PIGN: variants seen among roughly 807,000 people sequenced by gnomAD.
PIGN encodes the protein phosphatidylinositol glycan anchor biosynthesis class N.
In PIGN, 117 loss-of-function variants were observed where a neutral mutation model predicts 125.4. That is an observed-to-expected ratio of 0.93 (90% CI 0.80 to 1.09). The LOEUF (loss-of-function observed/expected upper bound fraction) is 1.09, where lower values mean the gene tolerates loss of function less well. PIGN is among the 50% of genes least tolerant of loss of function. The pLI is 0.00. For missense variants in PIGN, 1,075 were observed against 1,094.9 expected (o/e 0.98, Z 0.26); for synonymous variants, 392 against 377.8 (o/e 1.04, Z -0.44).
intron 30 of PIGN, among the ~76,000 whole-genome samples, chr18:62,060,814 T>A (rs1162934265): frequency 6.6e-6 from 1 of 152,228 alleles, no homozygotes; most frequent in Non-Finnish European, 1.5e-5. Flanking sequence ...TTTATAGTTA[T>A]GAAAATTACC....
At chr18:62,054,663 T>C (rs1410508563) in intron 30 of PIGN, among the ~76,000 whole-genome samples, 2 of 151,886 alleles carry the variant, frequency 1.3e-5, no homozygotes, top group African/African-American at 4.8e-5. Flanking sequence ...AGCTAATTTT[T>C]GTATTTTCTG....
intron 30 of PIGN, among the ~76,000 whole-genome samples, chr18:62,058,507 C>T (rs2031895807): frequency 6.6e-6 from 1 of 152,190 alleles, no homozygotes; most frequent in Admixed American, 6.5e-5. Flanking sequence ...CCTTGCACTG[C>T]TCATGAGACT....
At chr18:62,031,302 T>G (rs570586497) in intron 23 of PIGN, among the ~76,000 whole-genome samples, 3 of 152,344 alleles carry the variant, frequency 2.0e-5, no homozygotes, top group African/African-American at 4.8e-5. Context: ...TGTGAGCTCT[T>G]TCCTTTATAA....
At chr18:62,186,604 C>T (rs964667298) in intron 1 of PIGN, among the ~76,000 whole-genome samples, 1 of 152,200 alleles carries the variant, frequency 6.6e-6, no homozygotes, top group East Asian at 1.9e-4. Flanking sequence ...ACCTCCGGGG[C>T]TGAGAAGTCG....
chr18:62,183,509 T>C (rs1224302597), intron 1 of PIGN, among the ~76,000 whole-genome samples: 1 of 152,204 alleles, frequency 6.6e-6, no homozygotes, highest in Non-Finnish European at 1.5e-5. Context: ...CACTCTCTCC[T>C]AACATTCCAT....
At chr18:62,092,147 G>A (rs2033991053) in intron 23 of PIGN, among the ~76,000 whole-genome samples, 1 of 152,006 alleles carries the variant, frequency 6.6e-6, no homozygotes, top group African/African-American at 2.4e-5. Context: ...AAGGCCCAGG[G>A]ATATGAACAG....
At chr18:62,031,841 T>C (rs1235323391) in intron 23 of PIGN, among the ~76,000 whole-genome samples, 3 of 152,182 alleles carry the variant, frequency 2.0e-5, no homozygotes, top group African/African-American at 4.8e-5. Context: ...GTGGCTGCCA[T>C]AGCAAATTAT....
chr18:62,171,145 T>C (rs1409679717), intron 1 of PIGN, among the ~76,000 whole-genome samples: 2 of 152,206 alleles, frequency 1.3e-5, no homozygotes, highest in Non-Finnish European at 2.9e-5. Context: ...TAACTCTCCA[T>C]TTATTTAGGT....
At chr18:62,085,926 AC>A (rs2033676514) in intron 25 of PIGN, among the ~76,000 whole-genome samples, 1 of 152,192 alleles carries the variant, frequency 6.6e-6, no homozygotes, top group Non-Finnish European at 1.5e-5. Flanking sequence ...TACCATAGAC[AC>A]CCACAGAAAT....
At chr18:62,059,947 C>T (rs1483906305) in intron 30 of PIGN, among the ~76,000 whole-genome samples, 1 of 152,130 alleles carries the variant, frequency 6.6e-6, no homozygotes, top group Admixed American at 6.5e-5. Flanking sequence ...GATGTCTAAA[C>T]AAAAACGGTT....
At chr18:62,101,890 T>C (rs1222360726) in intron 21 of PIGN, among the ~76,000 whole-genome samples, 6 of 152,190 alleles carry the variant, frequency 3.9e-5, no homozygotes. Flanking sequence ...TCACATGATA[T>C]GATCTCTGTC....
chr18:62,040,814 T>C (rs1251000237), downstream of PIGN, among the ~76,000 whole-genome samples: 5 of 152,234 alleles, frequency 3.3e-5, no homozygotes, highest in Admixed American at 3.3e-4. Flanking sequence ...TTTATGTCTG[T>C]AAGATTGACA....
intron 23 of PIGN, among the ~76,000 whole-genome samples, chr18:62,026,618 A>G (rs76573613): frequency 0.017 from 2,517 of 152,336 alleles, 32 homozygotes; most frequent in Middle Eastern, 0.095. Flanking sequence ...TAACAATTTT[A>G]TAAAGTTTGA....
chr18:62,028,095 T>A (rs565355035), intron 23 of PIGN, among the ~76,000 whole-genome samples: 1 of 152,298 alleles, frequency 6.6e-6, no homozygotes, highest in South Asian at 2.1e-4. Flanking sequence ...ATACATGGAA[T>A]ACCCTGCCGA....
chr18:62,179,052 T>C (rs1168672101), intron 1 of PIGN, among the ~76,000 whole-genome samples: 3 of 152,200 alleles, frequency 2.0e-5, no homozygotes, highest in Non-Finnish European at 4.4e-5. Flanking sequence ...AGAGATTTTG[T>C]ATAATGTCTT....
intron 2 of PIGN, among the ~76,000 whole-genome samples, chr18:62,163,042 A>T (rs750507178): frequency 6.6e-6 from 1 of 152,150 alleles, no homozygotes; most frequent in Non-Finnish European, 1.5e-5. Context: ...ATAACTGTTT[A>T]CCCAAATCTG....
chr18:62,110,434 C>T (rs2034830919), intron 16 of PIGN, among the ~76,000 whole-genome samples: 1 of 152,158 alleles, frequency 6.6e-6, no homozygotes, highest in Admixed American at 6.6e-5. Context: ...CTATTGCCCA[C>T]CCAATAGAAA....
chr18:62,034,963 C>T (rs2030239426), intron 23 of PIGN, among the ~76,000 whole-genome samples: 1 of 152,102 alleles, frequency 6.6e-6, no homozygotes, highest in African/African-American at 2.4e-5. Context: ...ACCCAAACCA[C>T]CTTGAATTGT....
intron 23 of PIGN, among the ~76,000 whole-genome samples, chr18:62,091,367 G>T (rs1036364973): frequency 3.0e-4 from 46 of 152,048 alleles, no homozygotes; most frequent in African/African-American, 1.1e-3. Context: ...GTGTTGACAA[G>T]AATGTGATGA....
Sources: allele counts gnomAD v4.1 joint callset (sites outside exome capture counted in the v4.1 genomes callset), GRCh38; gene constraint gnomAD v4.1.1; transcripts MANE v1.5; gene names NCBI Gene and HGNC (gene_info 2026-07-23, HGNC 2026-07-21).